The following PUF60 variants were observed in gnomAD, a reference collection of about 807,000 sequenced individuals.
PUF60 encodes poly(U)-binding-splicing factor PUF60.
PUF60 carries 10 observed loss-of-function variants against 61.8 expected under a neutral mutation model. The ratio of observed to expected loss-of-function variants is 0.16; its 90% CI spans 0.10 to 0.27. The LOEUF (loss-of-function observed/expected upper bound fraction) is 0.27. PUF60 is among the 10% of genes least tolerant of loss of function. PUF60 has a pLI of 1.00. For synonymous variants in PUF60, 353 were observed against 300.9 expected (o/e 1.17, Z -1.79); for missense variants, 371 against 754.0 (o/e 0.49, Z 5.95).
intron 2 of PUF60, chr8:143,822,501 G>T: frequency 2.2e-6 from 1 of 456,608 alleles, no homozygotes. Flanking sequence ...AGAGAACACA[G>T]GCCTCTCTCG....
At chr8:143,829,036 G>T (rs1254822972) in intron 1 of PUF60, 1 of 1,003,372 alleles carries the variant, frequency 1.0e-6, no homozygotes, top group Non-Finnish European at 1.2e-6. Flanking sequence ...GCCACACGCC[G>T]CGCCCAGGCC....
intron 1 of PUF60, among the ~76,000 whole-genome samples, chr8:143,824,644 G>C (rs1431988950): frequency 2.0e-5 from 3 of 152,254 alleles, no homozygotes; most frequent in Non-Finnish European, 4.4e-5. Flanking sequence ...TCCCAGCGGG[G>C]ATGGGGAGGA....
chr8:143,826,383 C>T (rs1817637252), intron 1 of PUF60, among the ~76,000 whole-genome samples: 1 of 152,108 alleles, frequency 6.6e-6, no homozygotes, highest in Admixed American at 6.5e-5. Flanking sequence ...CTGGACAACA[C>T]AGCAAGACGC....
intron 5 of PUF60, among the ~76,000 whole-genome samples, chr8:143,819,959 C>T (rs560841136): frequency 6.6e-6 from 1 of 152,218 alleles, no homozygotes; most frequent in East Asian, 1.9e-4. Context: ...CAGGGATGAC[C>T]CCTCTGAACA....
chr8:143,817,573 C>CCCTCA lies in PUF60; in HGVS notation c.1008+18_1008+19insTGAGG. On this transcript the variant is annotated intron_variant, in intron 9 of 11. Transcript: ENST00000526683. The surrounding 1 kb of genome is among the most constrained non-coding windows in gnomAD (Gnocchi z 7.4). ...GCCAGCCCGCCCACCCTCAAGCCGA[C>CCCTCA]AGCTGTGTGGGCCCTCACCTGAGCT... The CCCTCA allele has an allele frequency of 1.9e-6, 3 of 1,610,352 alleles. No homozygotes were observed. The highest frequency in any genetic ancestry group is 2.5e-6 in the Non-Finnish European group (3 of 1,179,186).
chr8:143,820,771 CTCG>C, intron 4 of PUF60, 55 bp from the exon 5 acceptor site: 2 of 1,505,408 alleles, frequency 1.3e-6, no homozygotes, highest in Admixed American at 1.7e-5. Context: ...GTCTCCCGCT[CTCG>C]TCAACACCTC....
At position 143,816,919 on chromosome 8, in the gene PUF60, G is replaced by T. The variant is rs1355918025; in HGVS notation, c.1371C>A (p.Arg457=). 2 of 1,549,482 alleles carry T rather than the reference G, an allele frequency of 1.3e-6. No homozygotes were observed. The highest frequency in any genetic ancestry group is 1.7e-6 in the Non-Finnish European group (2 of 1,144,142). Residue 457 remains arginine, a synonymous_variant, in exon 11 of 12, where the codon CGC becomes CGA. Coordinates refer to ENST00000526683, the MANE Select transcript of PUF60 (RefSeq NM_078480.3). ...ARHMVMQKLL[R]KQESTVMVLR... ...CTGCCCCTCTGCCTACCTCCTGCTT[G>T]CGGAGCAGCTTCTGCATCACCATGT... is the stretch of plus-strand genomic sequence containing the variant.
intron 1 of PUF60, among the ~76,000 whole-genome samples, chr8:143,827,957 TCC>T (rs1224252460): frequency 1.3e-5 from 2 of 152,170 alleles, no homozygotes; most frequent in Non-Finnish European, 2.9e-5. Flanking sequence ...TCTCTGAGCC[TCC>T]TCCTCCTTCA....
chr8:143,818,730 G>A lies in PUF60; in HGVS notation c.349-196C>T. The A allele has an allele frequency of 1.6e-6, 1 of 639,934 alleles. No individual in the cohort carries two copies. Among genetic ancestry groups the A allele is most frequent in the South Asian group, 2.1e-5 (1 of 48,632 alleles). 39.6% of individuals were successfully genotyped at this position (639,934 alleles called of 1,614,324 possible). ...CCCGCCACCCAAAGAAGGAAGGCCAGGCCCAGCGGCAGGACAGGACGCACC... is the reference window on the plus strand; with the variant it reads ...CCCGCCACCCAAAGAAGGAAGGCCAAGCCCAGCGGCAGGACAGGACGCACC... On this transcript the variant is annotated intron_variant, in intron 5 of 11. Coordinates refer to ENST00000526683, the MANE Select transcript of PUF60 (RefSeq NM_078480.3). This position sits in a 1 kb window ranked among gnomAD's most constrained non-coding sequence, Gnocchi z 7.9.
chr8:143,820,611 C>T, intron 5 of PUF60, 55 bp downstream of exon 5: 1 of 1,563,144 alleles, frequency 6.4e-7, no homozygotes, highest in Non-Finnish European at 8.8e-7. Context: ...GCACTGCCCC[C>T]CTCTAGCCCT....
Position 143,821,234 on chromosome 8 carries a change from G to A in PUF60, c.297+363C>T, listed in dbSNP as rs547922888. 566 of 457,206 alleles carry A rather than the reference G, an allele frequency of 1.2e-3. 11 individuals are homozygous for A. In the South Asian group the frequency reaches 0.013, roughly 11 times the overall value. The allele number at this position is 457,206 out of a possible 1,614,324, so 28.3% of individuals were successfully genotyped here. On this transcript the variant is annotated intron_variant, in intron 4 of 11. Coordinates refer to ENST00000526683, the MANE Select transcript of PUF60 (RefSeq NM_078480.3). ...GCCTGAGCAGTCTTATCCAGGCCACGGGGGCAGGGAGGCCCACGCCCTGCA... is the reference window on the plus strand; with the variant it reads ...GCCTGAGCAGTCTTATCCAGGCCACAGGGGCAGGGAGGCCCACGCCCTGCA...
At position 143,816,390 on chromosome 8, in the gene PUF60, G is replaced by C. The variant is rs1816276875; in HGVS notation, c.*130C>G. The C allele has an allele frequency of 1.9e-6, 2 of 1,041,192 alleles. No homozygotes were observed. Among genetic ancestry groups the C allele is most frequent in the Non-Finnish European group, 2.7e-6 (2 of 735,750 alleles). 64.5% of individuals were successfully genotyped at this position (1,041,192 alleles called of 1,614,324 possible). On this transcript the variant is annotated 3_prime_UTR_variant, in exon 12 of 12. Coordinates refer to ENST00000526683, the MANE Select transcript of PUF60 (RefSeq NM_078480.3). Reference sequence around the variant, plus strand: ...GACACACGGACGTTCAGGGCCAGCAGCATCCGCACCTTTATCCGCACTGTA... The same window carrying C: ...GACACACGGACGTTCAGGGCCAGCACCATCCGCACCTTTATCCGCACTGTA...
intron 1 of PUF60, 29 bp from the exon 2 acceptor site, chr8:143,824,428 A>G (rs1268187787): frequency 6.2e-7 from 1 of 1,604,938 alleles, no homozygotes; most frequent in Admixed American, 1.7e-5. Context: ...TGTTGTAACG[A>G]CAGGCACACC....
intron 5 of PUF60, among the ~76,000 whole-genome samples, chr8:143,819,430 G>A (rs1237341491): frequency 6.6e-6 from 1 of 152,132 alleles, no homozygotes; most frequent in Non-Finnish European, 1.5e-5. Context: ...GCCACAGGGA[G>A]CCTGTGGGCC....
In PUF60 at chr8:143,818,693, G is replaced by A. The variant is rs777753605; in HGVS notation, c.349-159C>T. Reference sequence around the variant, plus strand: ...CTCCATCCCTGCAGTCATAGTGTGGGGGTCGCAGGACCCCGCCACCCAAAG... The same window carrying A: ...CTCCATCCCTGCAGTCATAGTGTGGAGGTCGCAGGACCCCGCCACCCAAAG... On this transcript the variant is annotated intron_variant, in intron 5 of 11. Transcript: ENST00000526683. The surrounding 1 kb of genome is among the most constrained non-coding windows in gnomAD (Gnocchi z 7.9). 1 of 797,046 alleles carries A rather than the reference G, an allele frequency of 1.3e-6. No individual in the cohort carries two copies. The highest frequency in any genetic ancestry group is 1.9e-6 in the Non-Finnish European group (1 of 520,328). The allele number at this position is 797,046 out of a possible 1,614,324, so 49.4% of individuals were successfully genotyped here. A position where few individuals can be genotyped will look rare whatever the true frequency, so the allele number is the denominator to read the frequency against.
At chr8:143,821,795 T>C in intron 3 of PUF60, 23 bp downstream of exon 3, 5 of 1,598,156 alleles carry the variant, frequency 3.1e-6, no homozygotes, top group Non-Finnish European at 3.4e-6. Context: ...ACACCTGCAG[T>C]GCCCTGGGAG....
intron 1 of PUF60, 61 bp from the exon 2 acceptor site, chr8:143,824,460 C>G (rs1817418568): frequency 6.4e-7 from 1 of 1,550,640 alleles, no homozygotes; most frequent in African/African-American, 1.4e-5. Flanking sequence ...CAGGCCTGCT[C>G]TCCTCCCGAG....
At chr8:143,819,448 G>A (rs1404989200) in intron 5 of PUF60, among the ~76,000 whole-genome samples, 1 of 152,076 alleles carries the variant, frequency 6.6e-6, no homozygotes, top group Non-Finnish European at 1.5e-5. Context: ...GCCAGGGCAG[G>A]CAAAGCAGAC....
At chr8:143,821,985 C>T (rs1245969946) in intron 2 of PUF60, 72 bp from the exon 3 acceptor site, 2 of 1,156,494 alleles carry the variant, frequency 1.7e-6, no homozygotes, top group Non-Finnish European at 2.4e-6. Flanking sequence ...GGAGGGCCAC[C>T]CCTAGCACAG....
Sources: allele counts gnomAD v4.1 joint callset (sites outside exome capture counted in the v4.1 genomes callset), GRCh38; gene constraint gnomAD v4.1.1; non-coding constraint Gnocchi (gnomAD v3.1); transcripts MANE v1.5; gene names NCBI Gene and HGNC (gene_info 2026-07-23, HGNC 2026-07-21).